The following PSMF1 variants were observed in gnomAD, a reference collection of about 807,000 sequenced individuals.
PSMF1 encodes the protein proteasome inhibitor subunit 1, also known as proteasome inhibitor PI31 subunit.
A neutral mutation model predicts 29.3 loss-of-function variants in PSMF1; 30 were observed. That is an observed-to-expected ratio of 1.02 (90% confidence interval 0.77 to 1.39). PSMF1 has a LOEUF of 1.39. PSMF1 is among the 40% of genes most tolerant of loss of function. The pLI, the probability that PSMF1 is intolerant of heterozygous loss-of-function variation, is 0.00. For missense variants in PSMF1, 344 were observed against 357.5 expected, an observed-to-expected ratio of 0.96 and a Z score of 0.31; for synonymous variants, 134 against 139.7, an observed-to-expected ratio of 0.96 and a Z score of 0.29.
rs1162454091 is a variant in PSMF1, at chr20:1,168,891, G to T, written c.*3811G>T. On this transcript the variant is annotated 3_prime_UTR_variant, in exon 7 of 7. Coordinates refer to ENST00000335877, the MANE Select transcript of PSMF1 (RefSeq NM_006814.5). Reference sequence around the variant, plus strand: ...ATTCCCCACATGTATATCCCCAGCTGTTTCTGTCATAAAACTTGCATGTGT... The same window carrying T: ...ATTCCCCACATGTATATCCCCAGCTTTTTCTGTCATAAAACTTGCATGTGT... Among the ~76,000 whole-genome samples the T allele has an allele frequency of 6.6e-6, 1 of 152,174 alleles. No individual in the cohort carries two copies. The highest frequency in any genetic ancestry group is 6.5e-5 in the Admixed American group (1 of 15,276).
Position 1,123,421 on chromosome 20 carries a change from T to G in PSMF1, c.130-2077T>G, listed in dbSNP as rs149938027. Among the ~76,000 whole-genome samples the G allele has an allele frequency of 1.3e-4, 20 of 152,310 alleles. No individual in the cohort carries two copies. In the East Asian group the frequency reaches 2.3e-3, roughly 18 times the overall value. ...TCCACCTGCCCCATGGTGAGCAATA[T>G]AAATATACATCCATGAAAAAAGATT... On this transcript the variant is annotated intron_variant, in intron 1 of 6. Coordinates refer to ENST00000335877, the MANE Select transcript of PSMF1 (RefSeq NM_006814.5).
intron 3 of PSMF1, among the ~76,000 whole-genome samples, chr20:1,133,995 C>CGCTT (rs141960178): frequency 2.0e-5 from 3 of 151,438 alleles, no homozygotes. Flanking sequence ...TGTGTCCTCT[C>CGCTT]TTTGTATTTG....
At chr20:1,122,074 G>T (rs939382861) in intron 1 of PSMF1, among the ~76,000 whole-genome samples, 3 of 152,154 alleles carry the variant, frequency 2.0e-5, no homozygotes, top group African/African-American at 7.2e-5. Flanking sequence ...GGCCATTAAA[G>T]AATGCTTCCA....
At chr20:1,161,328 A>G (rs1033019587) in intron 4 of PSMF1, 7 of 325,682 alleles carry the variant, frequency 2.1e-5, no homozygotes, top group Middle Eastern at 7.3e-4. Context: ...CATTGGCAAC[A>G]TGCAGTTCCA....
chr20:1,139,137 C>T (rs1372647027), intron 4 of PSMF1, among the ~76,000 whole-genome samples: 1 of 152,194 alleles, frequency 6.6e-6, no homozygotes, highest in Non-Finnish European at 1.5e-5. Context: ...CACGCCACTG[C>T]ACTCTAGCCT....
Position 1,127,654 on chromosome 20 carries a change from T to C in PSMF1, c.365+146T>C, listed in dbSNP as rs73893241. On this transcript the variant is annotated intron_variant, in intron 3 of 6. Transcript: ENST00000335877. ...TGGGCACAACTTCCTAATTTTCTTT[T>C]CTGTTTTTTATGTATTTGAAGAGGA... is the stretch of plus-strand genomic sequence containing the variant. The C allele has an allele frequency of 1.8e-3, 1,282 of 696,422 alleles. 16 individuals are homozygous for C. The African/African-American group carries it at 0.02, about 11-fold the overall frequency. The allele number at this position is 696,422 out of a possible 1,614,324, so 43.1% of individuals were successfully genotyped here.
chr20:1,118,606 T>G lies in PSMF1; in HGVS notation c.-168T>G, dbSNP rs2086037181. 3.7e-6 allele frequency: 3 copies of G among 810,968 alleles called. No homozygotes were observed. The Admixed American group carries it at 9.8e-5, about 26-fold the overall frequency. The allele number at this position is 810,968 out of a possible 1,614,324, so 50.2% of individuals were successfully genotyped here. ...CCCGCTGTTGGGACTACTTCCGGCT[T>G]CCCCGCCCCGCCCCGTCCCCGGGCG... is the stretch of plus-strand genomic sequence containing the variant. On this transcript the variant is annotated 5_prime_UTR_variant, in exon 1 of 7. Transcript: ENST00000335877.
At chr20:1,150,295 T>G (rs1359363195) in intron 4 of PSMF1, among the ~76,000 whole-genome samples, 1 of 152,158 alleles carries the variant, frequency 6.6e-6, no homozygotes, top group Non-Finnish European at 1.5e-5. Flanking sequence ...CTTCATCAAG[T>G]ACATTCTAAA....
intron 4 of PSMF1, among the ~76,000 whole-genome samples, chr20:1,146,118 T>C (rs770574375): frequency 5.3e-5 from 8 of 152,114 alleles, no homozygotes; most frequent in Non-Finnish European, 1.2e-4. Context: ...GCATGGGAAA[T>C]AGGTGAGTTA....
upstream of PSMF1, among the ~76,000 whole-genome samples, chr20:1,117,340 T>C (rs1166567299): frequency 2.0e-5 from 3 of 151,648 alleles, no homozygotes; most frequent in East Asian, 1.9e-4. Context: ...TTTCTTTTTT[T>C]TTTTTTTTCT....
intron 4 of PSMF1, among the ~76,000 whole-genome samples, chr20:1,147,724 G>T (rs1205100052): frequency 6.6e-6 from 1 of 152,118 alleles, no homozygotes; most frequent in African/African-American, 2.4e-5. Context: ...TCCTTGGCCA[G>T]CCCCATTTGT....
chr20:1,114,337 C>A (rs2085995552), upstream of PSMF1, among the ~76,000 whole-genome samples: 1 of 152,206 alleles, frequency 6.6e-6, no homozygotes, highest in African/African-American at 2.4e-5. Flanking sequence ...TACTCCACTG[C>A]CCCCACCGCT....
At position 1,164,537 on chromosome 20, in the gene PSMF1, C is replaced by T. The variant is rs1447934738; in HGVS notation, c.764+61C>T. On this transcript the variant is annotated intron_variant, in intron 6 of 6. Coordinates refer to ENST00000335877, the MANE Select transcript of PSMF1 (RefSeq NM_006814.5). The surrounding 1 kb of genome is among the most constrained non-coding windows in gnomAD (Gnocchi z 4.1). ...CTGATGGCAGCTTGGTTCAGTGTGG[C>T]AGCAATGAAGGTTTCTAGCCCCAGG... 9.4e-6 allele frequency: 15 copies of T among 1,592,024 alleles called. No individual in the cohort carries two copies. Among genetic ancestry groups the T allele is most frequent in the African/African-American group, 1.3e-5 (1 of 74,422 alleles).
chr20:1,142,641 G>A (rs920234058), intron 4 of PSMF1, among the ~76,000 whole-genome samples: 1 of 152,206 alleles, frequency 6.6e-6, no homozygotes, highest in African/African-American at 2.4e-5. Flanking sequence ...TGGTGTATAT[G>A]TGCCACATTT....
intron 4 of PSMF1, among the ~76,000 whole-genome samples, chr20:1,138,133 GCTT>G (rs780110537): frequency 1.8e-4 from 27 of 152,262 alleles, no homozygotes; most frequent in Non-Finnish European, 3.5e-4. Flanking sequence ...ATACTTCCCA[GCTT>G]CTTCTGTGAA....
intron 4 of PSMF1, among the ~76,000 whole-genome samples, chr20:1,145,778 G>A (rs937609494): frequency 2.0e-5 from 3 of 152,170 alleles, no homozygotes; most frequent in African/African-American, 7.2e-5. Context: ...ACTAGGCCCA[G>A]AAAATGAGAA....
At position 1,164,419 on chromosome 20, in the gene PSMF1, C is replaced by A; in HGVS notation, c.707C>A (p.Ala236Asp). The stretch of plus-strand genomic sequence containing the variant: ...CTCCCGAACCGACTTCCTCCAGGCG[C>A]TGTGCCCCCAGGAGCTCGCTTTGAC... ...SGLPNRLPPG[A>D]VPPGARFDPF... The change falls in exon 6 of 7, where the codon GCT becomes GAT. Residue 236 changes from alanine to aspartate, a missense_variant. Ala to Asp is a moderately radical substitution (Grantham distance 126). Coordinates refer to ENST00000335877, the MANE Select transcript of PSMF1 (RefSeq NM_006814.5). The surrounding 1 kb of genome is among the most constrained non-coding windows in gnomAD (Gnocchi z 4.1). The A allele has an allele frequency of 6.2e-7, 1 of 1,614,212 alleles. No homozygotes were observed. Among genetic ancestry groups the A allele is most frequent in the Non-Finnish European group, 8.5e-7 (1 of 1,180,032 alleles).
upstream of PSMF1, chr20:1,118,551 T>A (rs1333065247): frequency 2.1e-6 from 1 of 484,564 alleles, no homozygotes; most frequent in Non-Finnish European, 3.6e-6. Flanking sequence ...GCGCTCGCGT[T>A]GCCAACCCGG....
intron 4 of PSMF1, among the ~76,000 whole-genome samples, chr20:1,138,469 G>A (rs1418885222): frequency 6.7e-6 from 1 of 148,896 alleles, no homozygotes; most frequent in Non-Finnish European, 1.5e-5. Context: ...GTTGTAGGGA[G>A]CTGAGATGGC....
Sources: gnomAD v4.1 joint callset for allele counts (sites outside exome capture counted in the v4.1 genomes callset) on GRCh38, gnomAD v4.1.1 for gene constraint, Gnocchi (gnomAD v3.1) non-coding constraint, MANE v1.5 for transcripts, NCBI Gene and HGNC (gene_info 2026-07-23, HGNC 2026-07-21) for gene names.